ANK2: variants seen among roughly 807,000 people sequenced by gnomAD.
ANK2 encodes the protein ankyrin 2.
ANK2 carries 83 observed loss-of-function variants against 360.5 expected under a neutral mutation model. The observed-to-expected ratio is 0.23, with a 90% CI of 0.19 to 0.28. ANK2 has a LOEUF of 0.28. Ranked by LOEUF, ANK2 falls within the 10% of genes least tolerant of loss-of-function variation. The pLI, the probability that ANK2 is intolerant of heterozygous loss-of-function variation, is 1.00. For synonymous variants in ANK2, 1,740 were observed against 1,759.5 expected, an observed-to-expected ratio of 0.99 and a Z score of 0.28; for missense variants, 4,201 against 4,795.7, an observed-to-expected ratio of 0.88 and a Z score of 3.66.
chr4:113,210,554 T>G (rs1009977765), intron 4 of ANK2, among the ~76,000 whole-genome samples: 2 of 152,196 alleles, frequency 1.3e-5, no homozygotes, highest in Non-Finnish European at 2.9e-5. Flanking sequence ...TCAGATAAAC[T>G]AGATTTAAGT....
At chr4:112,920,443 T>C (rs958423121) in intron 2 of ANK2, among the ~76,000 whole-genome samples, 1 of 152,184 alleles carries the variant, frequency 6.6e-6, no homozygotes, top group African/African-American at 2.4e-5. Flanking sequence ...ATAATAAATG[T>C]TTCCAAAATA....
At chr4:113,027,394 C>T (rs993004721) in intron 2 of ANK2, among the ~76,000 whole-genome samples, 3 of 152,098 alleles carry the variant, frequency 2.0e-5, no homozygotes, top group Non-Finnish European at 4.4e-5. Flanking sequence ...GGTTATGCTT[C>T]AATAAAGTTA....
chr4:112,764,967 A>G, the ANK2 span, among the ~76,000 whole-genome samples: 2 of 152,150 alleles, frequency 1.3e-5, no homozygotes, highest in Non-Finnish European at 2.9e-5. Flanking sequence ...TGGCCTCCCA[A>G]AGTGCTGGGA....
At chr4:113,291,186 A>G (rs1028199324) in intron 20 of ANK2, among the ~76,000 whole-genome samples, 3 of 152,260 alleles carry the variant, frequency 2.0e-5, no homozygotes, top group Admixed American at 6.5e-5. Context: ...AACTTGGCTG[A>G]TACTGAAAAG....
chr4:113,031,880 CT>C (rs1379276269), intron 2 of ANK2, among the ~76,000 whole-genome samples: 2 of 151,754 alleles, frequency 1.3e-5, no homozygotes, highest in East Asian at 1.9e-4. Flanking sequence ...TGCTTTTCTT[CT>C]TTTTTTCCAT....
chr4:113,172,435 C>T (rs189016502), intron 1 of ANK2, among the ~76,000 whole-genome samples: 10 of 152,286 alleles, frequency 6.6e-5, no homozygotes, highest in Non-Finnish European at 1.5e-4. Context: ...AGGTCTTCCA[C>T]TAAATAAATG....
intron 1 of ANK2, among the ~76,000 whole-genome samples, chr4:113,132,020 G>C (rs1465364368): frequency 6.6e-6 from 1 of 152,082 alleles, no homozygotes; most frequent in Non-Finnish European, 1.5e-5. Context: ...GAGTTTGACT[G>C]AACAGAGTCA....
At chr4:112,952,028 A>G (rs1247562003) in intron 2 of ANK2, among the ~76,000 whole-genome samples, 1 of 152,210 alleles carries the variant, frequency 6.6e-6, no homozygotes, top group Admixed American at 6.5e-5. Flanking sequence ...TGTACAAATT[A>G]TCTTCATTGA....
At chr4:113,042,399 G>A (rs1269491373) in intron 2 of ANK2, among the ~76,000 whole-genome samples, 1 of 152,122 alleles carries the variant, frequency 6.6e-6, no homozygotes, top group Non-Finnish European at 1.5e-5. Flanking sequence ...GCAGTGGTAT[G>A]AGCCAATTTC....
chr4:113,319,669 T>C (rs1238400364), intron 26 of ANK2, among the ~76,000 whole-genome samples: 1 of 152,086 alleles, frequency 6.6e-6, no homozygotes, highest in East Asian at 1.9e-4. Context: ...TATATAGTTA[T>C]TGAAAACAAT....
At chr4:113,223,362 G>A (rs546547574) in intron 4 of ANK2, among the ~76,000 whole-genome samples, 18 of 152,256 alleles carry the variant, frequency 1.2e-4, no homozygotes, top group Middle Eastern at 6.8e-3. Context: ...CTTCAAAAGA[G>A]GAAGTCTACT....
At chr4:112,770,138 G>A in the ANK2 span, among the ~76,000 whole-genome samples, 5 of 152,282 alleles carry the variant, frequency 3.3e-5, no homozygotes, top group Non-Finnish European at 2.9e-5. Flanking sequence ...CTTTGCACTC[G>A]TGGGTTCTCT....
chr4:112,738,708 A>G, the ANK2 span: 4 of 608,782 alleles, frequency 6.6e-6, no homozygotes, highest in South Asian at 4.1e-5. Context: ...GCCCAAGATC[A>G]TTAAAAAGAG....
chr4:112,885,959 A>G (rs2078247932), intron 1 of ANK2, among the ~76,000 whole-genome samples: 1 of 152,088 alleles, frequency 6.6e-6, no homozygotes, highest in Non-Finnish European at 1.5e-5. Context: ...TCTGTCTGGG[A>G]ACAGTTTTCT....
the ANK2 span, among the ~76,000 whole-genome samples, chr4:112,789,038 C>T: frequency 6.6e-6 from 1 of 151,940 alleles, no homozygotes; most frequent in Admixed American, 6.6e-5. Flanking sequence ...GATTACGGTT[C>T]GGTGCCTTCC....
intron 14 of ANK2, among the ~76,000 whole-genome samples, chr4:113,269,294 C>T (rs191989728): frequency 5.3e-5 from 8 of 152,296 alleles, no homozygotes; most frequent in African/African-American, 1.7e-4. Flanking sequence ...CGTTCTGTCT[C>T]ACTGGCGTTC....
At chr4:113,328,057 C>T (rs1297213975) in intron 26 of ANK2, among the ~76,000 whole-genome samples, 2 of 152,074 alleles carry the variant, frequency 1.3e-5, no homozygotes, top group African/African-American at 4.8e-5. Flanking sequence ...CATCGAGGCT[C>T]CATGTTATAT....
intron 27 of ANK2, among the ~76,000 whole-genome samples, chr4:113,331,725 C>A (rs181542481): frequency 2.6e-4 from 40 of 152,194 alleles, no homozygotes; most frequent in Non-Finnish European, 5.3e-4. Flanking sequence ...TTGGCTAGTG[C>A]CCTGGCGGTG....
intron 1 of ANK2, among the ~76,000 whole-genome samples, chr4:112,890,973 C>T (rs1203541817): frequency 1.3e-5 from 2 of 152,154 alleles, no homozygotes; most frequent in Non-Finnish European, 2.9e-5. Context: ...ATGTAGTGTG[C>T]AGGCCAAGGG....
Sources: gnomAD v4.1 joint callset for allele counts (sites outside exome capture counted in the v4.1 genomes callset) on GRCh38, gnomAD v4.1.1 for gene constraint, MANE v1.5 for transcripts, NCBI Gene and HGNC (gene_info 2026-07-23, HGNC 2026-07-21) for gene names.